Variants in PAK2 observed in about 807,000 individuals in gnomAD.
The protein encoded by PAK2 is serine/threonine-protein kinase PAK 2.
PAK2 carries 21 observed loss-of-function variants against 65.9 expected under a neutral mutation model. The observed-to-expected ratio is 0.32, with a 90% CI of 0.23 to 0.46. PAK2 has a LOEUF of 0.46. Among genes scored for constraint, PAK2 ranks in the 20% least tolerant of loss-of-function variants. The probability of loss-of-function intolerance (pLI) is 1.00; values close to 1 mark genes in which losing one functional copy is unlikely to be tolerated. For missense variants in PAK2, 324 were observed against 642.6 expected, an observed-to-expected ratio of 0.50 and a Z score of 5.36; for synonymous variants, 204 against 219.7, an observed-to-expected ratio of 0.93 and a Z score of 0.63.
chr3:196,740,052 C>G lies in PAK2; in HGVS notation c.-127C>G, dbSNP rs1713132604. The G allele has an allele frequency of 6.6e-6, 1 of 151,798 alleles. No individual in the cohort carries two copies. Among genetic ancestry groups the G allele is most frequent in the African/African-American group, 2.4e-5 (1 of 41,130 alleles). 9.4% of individuals were successfully genotyped at this position (151,798 alleles called of 1,614,324 possible). ...CTCTTCCCGCCCCGCTTCCCCTTCC[C>G]TCCCCTCCCCTCCCCGCACCGCGCG... On this transcript the variant is annotated 5_prime_UTR_variant, in exon 1 of 15. Transcript: ENST00000327134.
Position 196,808,557 on chromosome 3 carries a change from C to CAAAAAAAAAAAAAA in PAK2, c.709+648_709+661dup, listed in dbSNP as rs1208200034. ...GCCTGGCAACAGTGAGACTCCATCT[C>CAAAAAAAAAAAAAA]AAAAAAAAAAAAAAAAAAGCGAACC... is the stretch of plus-strand genomic sequence containing the variant. On this transcript the variant is annotated intron_variant, in intron 7 of 14. Transcript: ENST00000327134. 5.3e-4 allele frequency among the ~76,000 whole-genome samples: 30 copies of CAAAAAAAAAAAAAA among 56,568 alleles called. 3 individuals are homozygous for CAAAAAAAAAAAAAA. Among genetic ancestry groups the CAAAAAAAAAAAAAA allele is most frequent in the African/African-American group, 1.3e-3 (19 of 14,930 alleles). 37.1% of individuals were successfully genotyped at this position (56,568 alleles called of 152,430 possible).
rs957934236 is a variant in PAK2, at chr3:196,802,084, T to C, written c.288+57T>C. ...CGTTTAAAATAGCACTCAAACATTTTCCTTCATTATTAAATTTGAAATTAA... is the reference window on the plus strand; with the variant it reads ...CGTTTAAAATAGCACTCAAACATTTCCCTTCATTATTAAATTTGAAATTAA... On this transcript the variant is annotated intron_variant, in intron 3 of 14. Coordinates refer to ENST00000327134, the MANE Select transcript of PAK2 (RefSeq NM_002577.4). The C allele has an allele frequency of 1.3e-5, 12 of 892,320 alleles. No individual in the cohort carries two copies. In the African/African-American group the frequency reaches 2.0e-4, roughly 15 times the overall value. The allele number at this position is 892,320 out of a possible 1,614,324, so 55.3% of individuals were successfully genotyped here.
chr3:196,808,467 A>G (rs900409100), intron 7 of PAK2, among the ~76,000 whole-genome samples: 2 of 151,236 alleles, frequency 1.3e-5, no homozygotes, highest in African/African-American at 4.9e-5. Flanking sequence ...AGGCTGAGGC[A>G]AGAGAATCAC....
At chr3:196,815,361 G>A (rs1345301888) in intron 11 of PAK2, among the ~76,000 whole-genome samples, 18 of 150,630 alleles carry the variant, frequency 1.2e-4, no homozygotes, top group East Asian at 2.0e-4. Context: ...GCATGGTGGT[G>A]CACGCCTGTA....
intron 2 of PAK2, 111 bp downstream of exon 2, chr3:196,782,944 G>A: frequency 1.7e-6 from 1 of 605,824 alleles, no homozygotes; most frequent in Non-Finnish European, 2.9e-6. Context: ...AAAACAATCG[G>A]TGCTAATATA....
At chr3:196,805,407 G>T (rs765912039) in intron 5 of PAK2, 24 bp downstream of exon 5, 7 of 1,167,044 alleles carry the variant, frequency 6.0e-6, no homozygotes, top group Non-Finnish European at 8.5e-6. Context: ...ATTATTTCTT[G>T]TATCTCTTGT....
Position 196,782,678 on chromosome 3 carries a change from CT to C in PAK2, c.33del (p.Pro12GlnfsTer7). 1 of 1,607,848 alleles carries C rather than the reference CT, an allele frequency of 6.2e-7. No individual in the cohort carries two copies. The highest frequency in any genetic ancestry group is 8.5e-7 in the Non-Finnish European group (1 of 1,176,452). MSDNGELEDK[P>X]PAPPVRMSST... The stretch of plus-strand genomic sequence containing the variant: ...GATAACGGAGAACTGGAAGATAAGC[CT>C]CCAGCACCTCCTGTGCGAATGAGCA... On this transcript the variant is annotated frameshift_variant, in exon 2 of 15. Coordinates refer to ENST00000327134, the MANE Select transcript of PAK2 (RefSeq NM_002577.4). LOFTEE classifies it high-confidence loss of function.
chr3:196,827,679 G>C (rs62410767), intron 14 of PAK2, among the ~76,000 whole-genome samples: 37,416 of 151,506 alleles, frequency 0.25, 5,095 homozygotes, highest in African/African-American at 0.35. Context: ...GTGCAGCACA[G>C]CAACATGGCA....
At chr3:196,811,281 TC>T (rs1715799505) in intron 8 of PAK2, among the ~76,000 whole-genome samples, 4 of 23,574 alleles carry the variant, frequency 1.7e-4, no homozygotes, top group African/African-American at 5.2e-4. Context: ...TTCCCTCCCT[TC>T]CCTCCCTTCC....
intron 2 of PAK2, among the ~76,000 whole-genome samples, chr3:196,783,511 G>A (rs1198607608): frequency 6.6e-6 from 1 of 151,550 alleles, no homozygotes; most frequent in Non-Finnish European, 1.5e-5. Context: ...GAATACGGGA[G>A]GTGGAGGTTA....
chr3:196,814,396 C>A, intron 10 of PAK2, 55 bp from the exon 11 acceptor site: 1 of 703,904 alleles, frequency 1.4e-6, no homozygotes, highest in South Asian at 1.7e-5. Flanking sequence ...ACATAGAATA[C>A]CATGTGTTTA....
chr3:196,743,645 C>G (rs1713279025), intron 1 of PAK2, among the ~76,000 whole-genome samples: 1 of 152,046 alleles, frequency 6.6e-6, no homozygotes, highest in Non-Finnish European at 1.5e-5. Flanking sequence ...GTCAGGAGTT[C>G]AAGACCAGCC....
At chr3:196,763,338 G>A (rs1207014609) in intron 1 of PAK2, among the ~76,000 whole-genome samples, 1 of 152,152 alleles carries the variant, frequency 6.6e-6, no homozygotes, top group African/African-American at 2.4e-5. Context: ...GGAGTCTGAT[G>A]CTGGAGGAGC....
Position 196,801,994 on chromosome 3 carries a change from T to C in PAK2, c.255T>C (p.His85=), listed in dbSNP as rs1248620373. The stretch of plus-strand genomic sequence containing the variant: ...CATCTGATTTTGAGCACACCATCCA[T>C]GTTGGCTTTGATGCTGTTACTGGAG... ...SPPSDFEHTI[H]VGFDAVTGEF... is the part of the protein sequence containing the mutation. Residue 85 remains histidine (H), a synonymous_variant, in exon 3 of 15, where the codon CAT becomes CAC. Coordinates refer to ENST00000327134, the MANE Select transcript of PAK2 (RefSeq NM_002577.4). 3 of 1,608,996 alleles carry C rather than the reference T, an allele frequency of 1.9e-6. No homozygotes were observed. Among genetic ancestry groups the C allele is most frequent in the African/African-American group, 1.3e-5 (1 of 74,978 alleles).
chr3:196,812,789 C>A lies in PAK2; in HGVS notation c.873C>A (p.Ile291=). 1 of 1,582,616 alleles carries A rather than the reference C, an allele frequency of 6.3e-7. No homozygotes were observed. Among genetic ancestry groups the A allele is most frequent in the South Asian group, 1.1e-5 (1 of 90,300 alleles). ...NLQKQPKKEL[I]INEILVMKEL... is the part of the protein sequence containing the mutation. ...AGAAACAGCCAAAGAAGGAACTGAT[C>A]ATTAACGAGATTCTGGTGATGAAAG... Residue 291 remains isoleucine, a synonymous_variant, in exon 10 of 15, where the codon ATC becomes ATA. Transcript: ENST00000327134.
chr3:196,754,385 T>C (rs1713703249), intron 1 of PAK2, among the ~76,000 whole-genome samples: 1 of 152,168 alleles, frequency 6.6e-6, no homozygotes, highest in African/African-American at 2.4e-5. Context: ...TGTGTTTTCC[T>C]TGCCTCTCCA....
At chr3:196,797,585 C>A (rs1715296744) in intron 2 of PAK2, among the ~76,000 whole-genome samples, 1 of 151,688 alleles carries the variant, frequency 6.6e-6, no homozygotes, top group Non-Finnish European at 1.5e-5. Flanking sequence ...AACCCTGTCT[C>A]TACTAAAAAT....
chr3:196,744,805 A>C (rs2108704458), intron 1 of PAK2, among the ~76,000 whole-genome samples: 1 of 152,230 alleles, frequency 6.6e-6, no homozygotes, highest in East Asian at 1.9e-4. Context: ...CATTTATGTT[A>C]TTTCTAACTT....
chr3:196,795,772 T>C (rs1715239805), intron 2 of PAK2, among the ~76,000 whole-genome samples: 1 of 152,156 alleles, frequency 6.6e-6, no homozygotes, highest in Non-Finnish European at 1.5e-5. Context: ...CAAAAAATGT[T>C]AAACTAAGCC....
Sources: gnomAD v4.1 joint callset for allele counts (sites outside exome capture counted in the v4.1 genomes callset) on GRCh38, gnomAD v4.1.1 for gene constraint, MANE v1.5 for transcripts, NCBI Gene and HGNC (gene_info 2026-07-23, HGNC 2026-07-21) for gene names.